TMEM167A: variants seen among roughly 807,000 people sequenced by gnomAD.
TMEM167A encodes the protein transmembrane protein 167A, also known as protein kish-A.
Under a neutral mutation model 11.6 loss-of-function variants are expected in TMEM167A, and 8 were observed. The ratio of observed to expected loss-of-function variants is 0.69; its 90% CI spans 0.40 to 1.24. The LOEUF (loss-of-function observed/expected upper bound fraction) is 1.24. Ranked by LOEUF, TMEM167A falls within the 50% of genes most tolerant of loss-of-function variation. The pLI, the probability that TMEM167A is intolerant of heterozygous loss-of-function variation, is 0.01. For synonymous variants in TMEM167A, 22 were observed against 28.0 expected, an observed-to-expected ratio of 0.79 and a Z score of 0.67; for missense variants, 62 against 87.0, an observed-to-expected ratio of 0.71 and a Z score of 1.14.
intron 1 of TMEM167A, among the ~76,000 whole-genome samples, chr5:83,067,337 T>TA (rs1744497748): frequency 6.6e-6 from 1 of 152,156 alleles, no homozygotes; most frequent in Non-Finnish European, 1.5e-5. Flanking sequence ...CTGAAAAAAT[T>TA]AAAAAACTAT....
chr5:83,062,345 T>C (rs528619282), intron 2 of TMEM167A, among the ~76,000 whole-genome samples: 1 of 152,298 alleles, frequency 6.6e-6, no homozygotes, highest in South Asian at 2.1e-4. Flanking sequence ...TTTAATTTCT[T>C]ACAGAATGTA....
chr5:83,072,706 AT>A (rs1744580859), intron 1 of TMEM167A, among the ~76,000 whole-genome samples: 1 of 151,868 alleles, frequency 6.6e-6, no homozygotes, highest in Non-Finnish European at 1.5e-5. Flanking sequence ...TTTTTTTTGT[AT>A]TTTTAGTAGA....
intron 1 of TMEM167A, among the ~76,000 whole-genome samples, chr5:83,068,144 T>A (rs2112246022): frequency 6.6e-6 from 1 of 152,290 alleles, no homozygotes; most frequent in Admixed American, 6.5e-5. Flanking sequence ...AATATATTAA[T>A]AAATAATATT....
Position 83,064,136 on chromosome 5 carries a change from C to T in TMEM167A, c.113+872G>A, listed in dbSNP as rs186203774. The T allele has an allele frequency of 9.7e-3, 3,950 of 409,146 alleles. 42 individuals carry two copies. The highest frequency in any genetic ancestry group is 0.012 in the Non-Finnish European group (2,537 of 208,172). The allele number at this position is 409,146 out of a possible 1,614,324, so 25.3% of individuals were successfully genotyped here. A position where few individuals can be genotyped will look rare whatever the true frequency, so the allele number is the denominator to read the frequency against. ...GTAGAAATAAAGGTTTTAAAAAAAG[C>T]TTTCAAACAGTTGACTGTATTAGTA... On this transcript the variant is annotated intron_variant, in intron 2 of 3. Coordinates refer to ENST00000502346, the MANE Select transcript of TMEM167A (RefSeq NM_174909.5).
intron 2 of TMEM167A, chr5:83,064,164 T>C: frequency 2.0e-6 from 1 of 501,150 alleles, no homozygotes; most frequent in Non-Finnish European, 4.0e-6. Context: ...TATTAGTACA[T>C]ATTTTAAAAT....
intron 1 of TMEM167A, among the ~76,000 whole-genome samples, chr5:83,074,858 C>G (rs545677905): frequency 1.3e-5 from 2 of 152,236 alleles, no homozygotes; most frequent in African/African-American, 2.4e-5. Flanking sequence ...GCAACCTCCA[C>G]CTCCTGGGTT....
Position 83,077,368 on chromosome 5 carries a change from A to C in TMEM167A, c.-45T>G, listed in dbSNP as rs1164245501. ...CAGCCACATCACCCTTCCGGGGCTCAGGCGGAAGAGGCTGCATGTCCCGTC... is the reference window on the plus strand; with the variant it reads ...CAGCCACATCACCCTTCCGGGGCTCCGGCGGAAGAGGCTGCATGTCCCGTC... On this transcript the variant is annotated 5_prime_UTR_variant, in exon 1 of 4. Transcript: ENST00000502346. 3 of 1,614,086 alleles carry C rather than the reference A, an allele frequency of 1.9e-6. No individual in the cohort carries two copies. The highest frequency in any genetic ancestry group is 1.6e-4 in the Middle Eastern group (1 of 6,062).
At chr5:83,072,751 C>G (rs1561305099) in intron 1 of TMEM167A, among the ~76,000 whole-genome samples, 1 of 151,990 alleles carries the variant, frequency 6.6e-6, no homozygotes, top group Non-Finnish European at 1.5e-5. Flanking sequence ...AGGCTAGTCT[C>G]GAATGCCTGC....
chr5:83,077,175 T>G, intron 1 of TMEM167A, 146 bp downstream of exon 1: 2 of 1,154,402 alleles, frequency 1.7e-6, no homozygotes, highest in Non-Finnish European at 2.6e-6. Flanking sequence ...TGATTCTCTC[T>G]GGTTGGCCGT....
At position 83,055,511 on chromosome 5, in the gene TMEM167A, T is replaced by C. The variant is rs779274099; in HGVS notation, c.*1573A>G. ...GAACAATGATTATAACCTGATTCCC[T>C]ATCTAAAGCAAAATATACCACTTTT... On this transcript the variant is annotated 3_prime_UTR_variant, in exon 4 of 4. Coordinates refer to ENST00000502346, the MANE Select transcript of TMEM167A (RefSeq NM_174909.5). 6.6e-6 allele frequency: 1 copy of C among 151,974 alleles called. No homozygotes were observed. The highest frequency in any genetic ancestry group is 1.5e-5 in the Non-Finnish European group (1 of 67,934). The allele number at this position is 151,974 out of a possible 1,614,324, so 9.4% of individuals were successfully genotyped here.
intron 1 of TMEM167A, among the ~76,000 whole-genome samples, chr5:83,076,736 A>G (rs1366465532): frequency 6.6e-6 from 1 of 152,234 alleles, no homozygotes; most frequent in East Asian, 1.9e-4. Flanking sequence ...GAGGCTAGAC[A>G]CCACTCCAAT....
At chr5:83,059,963 A>G (rs1442639506) in intron 3 of TMEM167A, among the ~76,000 whole-genome samples, 1 of 135,644 alleles carries the variant, frequency 7.4e-6, no homozygotes, top group Non-Finnish European at 1.6e-5. Context: ...AGGTAATGAT[A>G]CTTATTACAA....
chr5:83,072,901 A>G (rs1242776952), intron 1 of TMEM167A, among the ~76,000 whole-genome samples: 1 of 152,218 alleles, frequency 6.6e-6, no homozygotes, highest in Non-Finnish European at 1.5e-5. Flanking sequence ...ATGGGTTCAT[A>G]AGATCAGAAC....
chr5:83,072,952 GC>G (rs2112249568), intron 1 of TMEM167A, among the ~76,000 whole-genome samples: 1 of 152,250 alleles, frequency 6.6e-6, no homozygotes, highest in East Asian at 1.9e-4. Flanking sequence ...TAACTGTGAT[GC>G]CATTTTCATG....
intron 1 of TMEM167A, among the ~76,000 whole-genome samples, chr5:83,070,341 C>T (rs1350793117): frequency 2.0e-5 from 3 of 152,150 alleles, no homozygotes; most frequent in African/African-American, 7.2e-5. Context: ...GGCCTCCAAA[C>T]GATTTGTCAT....
Position 83,057,066 on chromosome 5 carries a change from T to C in TMEM167A, c.*18A>G. 3 of 1,609,148 alleles carry C rather than the reference T, an allele frequency of 1.9e-6. No individual in the cohort carries two copies. The highest frequency in any genetic ancestry group is 2.2e-5 in the South Asian group (2 of 90,926). Reference sequence around the variant, plus strand: ...ACAATCAAATCTGATGGCAACTACATTCTGGCATTTTCCCCAGCTACTGTA... The same window carrying C: ...ACAATCAAATCTGATGGCAACTACACTCTGGCATTTTCCCCAGCTACTGTA... On this transcript the variant is annotated 3_prime_UTR_variant, in exon 4 of 4. Coordinates refer to ENST00000502346, the MANE Select transcript of TMEM167A (RefSeq NM_174909.5).
Position 83,077,203 on chromosome 5 carries a change from C to A in TMEM167A, c.3+118G>T, listed in dbSNP as rs1744694893. 7.4e-6 allele frequency: 11 copies of A among 1,478,194 alleles called. No homozygotes were observed. The South Asian group carries it at 1.1e-4, about 15-fold the overall frequency. 91.6% of individuals were successfully genotyped at this position (1,478,194 alleles called of 1,614,324 possible). A position where few individuals can be genotyped will look rare whatever the true frequency, so the allele number is the denominator to read the frequency against. ...TTGGCCGTGGAGGGACCACATGGCT[C>A]CAAGGCCTCTCAGCTCCGGGCCCAC... On this transcript the variant is annotated intron_variant, in intron 1 of 3. Coordinates refer to ENST00000502346, the MANE Select transcript of TMEM167A (RefSeq NM_174909.5).
At position 83,055,941 on chromosome 5, in the gene TMEM167A, T is replaced by C. The variant is rs1744324679; in HGVS notation, c.*1143A>G. 6.6e-6 allele frequency: 1 copy of C among 152,036 alleles called. No individual in the cohort carries two copies. Among genetic ancestry groups the C allele is most frequent in the African/African-American group, 2.4e-5 (1 of 41,434 alleles). The allele number at this position is 152,036 out of a possible 1,614,324, so 9.4% of individuals were successfully genotyped here. On this transcript the variant is annotated 3_prime_UTR_variant, in exon 4 of 4. Coordinates refer to ENST00000502346, the MANE Select transcript of TMEM167A (RefSeq NM_174909.5). ...TAAGTTCCTCGTAGCTCTGAAATTT[T>C]AACTGAATTTTAGTTGAACCTTAAG...
At chr5:83,074,989 C>T (rs1580179760) in intron 1 of TMEM167A, among the ~76,000 whole-genome samples, 1 of 152,142 alleles carries the variant, frequency 6.6e-6, no homozygotes, top group Non-Finnish European at 1.5e-5. Context: ...AGGCTGGTCT[C>T]CAACTCCCGA....
Sources: allele counts gnomAD v4.1 joint callset (sites outside exome capture counted in the v4.1 genomes callset), GRCh38; gene constraint gnomAD v4.1.1; transcripts MANE v1.5; gene names NCBI Gene and HGNC (gene_info 2026-07-23, HGNC 2026-07-21).